QRICH1: variants seen among roughly 807,000 people sequenced by gnomAD.
QRICH1 encodes glutamine rich 1, also known as transcriptional regulator QRICH1.
In QRICH1, 16 loss-of-function variants were observed where a neutral mutation model predicts 87.1. The observed-to-expected ratio is 0.18, with a 90% CI of 0.12 to 0.28. The LOEUF (loss-of-function observed/expected upper bound fraction) is 0.28, where lower values mean the gene tolerates loss of function less well. QRICH1 is among the 10% of genes least tolerant of loss of function. QRICH1 has a pLI of 1.00. For synonymous variants in QRICH1, 367 were observed against 368.4 expected (o/e 1.00, Z 0.05); for missense variants, 647 against 951.7 (o/e 0.68, Z 4.21).
In QRICH1 at chr3:49,076,907, C is replaced by T. The variant is rs1208386959; in HGVS notation, c.111G>A (p.Lys37=). 1 of 1,613,678 alleles carries T rather than the reference C, an allele frequency of 6.2e-7. No homozygotes were observed. Among genetic ancestry groups the T allele is most frequent in the East Asian group, 2.2e-5 (1 of 44,882 alleles). ...GGAACTCCTGAAGGGCTTCTGGCCC[C>T]TTAGAGGCCAGTGAGTCCAGAAATT... is the stretch of plus-strand genomic sequence containing the variant. The part of the protein sequence containing the change: ...MKEFLDSLAS[K]GPEALQEFQQ... The change falls in exon 2 of 10, where the codon AAG becomes AAA. Residue 37 remains lysine, a synonymous_variant. Transcript: ENST00000395443.
chr3:49,053,155 G>A (rs1170799193), intron 3 of QRICH1, among the ~76,000 whole-genome samples: 1 of 152,096 alleles, frequency 6.6e-6, no homozygotes, highest in East Asian at 1.9e-4. Context: ...ATTCAGATGG[G>A]TAGGAGGAAA....
intron 1 of QRICH1, among the ~76,000 whole-genome samples, chr3:49,080,501 T>A (rs1381277449): frequency 6.6e-6 from 1 of 151,240 alleles, no homozygotes; most frequent in Non-Finnish European, 1.5e-5. Flanking sequence ...CAACAAAAAA[T>A]AATTTAAAAA....
intron 1 of QRICH1, among the ~76,000 whole-genome samples, chr3:49,086,008 G>A (rs1269204565): frequency 6.6e-6 from 1 of 151,846 alleles, no homozygotes; most frequent in East Asian, 1.9e-4. Flanking sequence ...ATATCTGAGT[G>A]TTCCCAATTT....
intron 3 of QRICH1, among the ~76,000 whole-genome samples, chr3:49,048,056 A>C (rs2093348752): frequency 6.6e-6 from 1 of 152,174 alleles, no homozygotes; most frequent in Admixed American, 6.5e-5. Flanking sequence ...TGTGCAAACA[A>C]ATCACTTGGG....
chr3:49,037,756 G>A (rs1431503631), intron 6 of QRICH1, among the ~76,000 whole-genome samples: 8 of 150,468 alleles, frequency 5.3e-5, no homozygotes, highest in Admixed American at 6.7e-5. Context: ...GGCAGGGGAC[G>A]GGCAGATCAC....
chr3:49,067,523 G>C (rs2093475425), intron 2 of QRICH1, among the ~76,000 whole-genome samples: 1 of 151,174 alleles, frequency 6.6e-6, no homozygotes, highest in African/African-American at 2.4e-5. Flanking sequence ...AGCCGAGATA[G>C]CACCACTGCA....
intron 1 of QRICH1, among the ~76,000 whole-genome samples, chr3:49,083,002 T>C (rs1239437058): frequency 6.7e-6 from 1 of 149,476 alleles, no homozygotes. Context: ...AGGTCGGGAG[T>C]TCGAGACCAG....
At chr3:49,040,485 AACTT>A (rs1231816280) in intron 6 of QRICH1, among the ~76,000 whole-genome samples, 4 of 152,198 alleles carry the variant, frequency 2.6e-5, no homozygotes, top group African/African-American at 7.2e-5. Flanking sequence ...TACTAGAGTT[AACTT>A]ACTTATTTAT....
Position 49,032,210 on chromosome 3 carries a change from T to C in QRICH1, c.2111A>G (p.Lys704Arg), listed in dbSNP as rs778852182. ...TTTGAAGAGGTAGAAATCATAGAGC[T>C]TGATGGGACATCTCAATGGATTCTC... is the stretch of plus-strand genomic sequence containing the variant. The part of the protein sequence containing the change: ...NPENPLRCPI[K>R]LYDFYLFKCP... The change falls in exon 9 of 10, where the codon AAG becomes AGG. Residue 704 changes from lysine to arginine, a missense_variant. This residue lies in a region of QRICH1 where 2 missense variants were observed against 20.8 expected (regional missense o/e 0.10). Transcript: ENST00000395443. 1 of 1,613,840 alleles carries C rather than the reference T, an allele frequency of 6.2e-7. No homozygotes were observed. The highest frequency in any genetic ancestry group is 2.2e-5 in the East Asian group (1 of 44,888).
At chr3:49,077,221 A>T (rs1404256757) in intron 1 of QRICH1, among the ~76,000 whole-genome samples, 183 bp from the exon 2 acceptor site, 1 of 152,170 alleles carries the variant, frequency 6.6e-6, no homozygotes. Flanking sequence ...TATTTCTATT[A>T]ACATTTCTTA....
intron 3 of QRICH1, among the ~76,000 whole-genome samples, chr3:49,053,409 C>T (rs750884180): frequency 7.2e-6 from 1 of 139,486 alleles, no homozygotes; most frequent in Non-Finnish European, 1.5e-5. Flanking sequence ...GGTGTGAACT[C>T]GGGAGGCGGA....
chr3:49,036,689 G>C (rs201152303), intron 6 of QRICH1, among the ~76,000 whole-genome samples: 1 of 82,442 alleles, frequency 1.2e-5, no homozygotes, highest in Non-Finnish European at 2.4e-5. Context: ...AAGAAAAAAA[G>C]AAAAAACAAA....
Position 49,057,521 on chromosome 3 carries a change from C to T in QRICH1, c.679G>A (p.Gly227Ser), listed in dbSNP as rs766618040. ...GALSPPPSQQ[G>S]SPREGERRVG... ...CGCCGCTCCCCTTCCCGGGGTGAGC[C>T]CTGCTGGGATGGTGGTGGGGAAAGG... The change falls in exon 3 of 10, where the codon GGC becomes AGC. Residue 227 changes from glycine (G) to serine (S), a missense_variant. Physicochemically the swap from Gly to Ser is moderately conservative, Grantham distance 56 (BLOSUM62 0). Coordinates refer to ENST00000395443, the MANE Select transcript of QRICH1 (RefSeq NM_198880.3). This position sits in a 1 kb window ranked among gnomAD's most constrained non-coding sequence, Gnocchi z 5.4. The T allele has an allele frequency of 3.7e-6, 6 of 1,613,260 alleles. No homozygotes were observed. In the East Asian group the frequency reaches 1.3e-4, roughly 36 times the overall value.
At chr3:49,077,124 T>C (rs2106984237) in intron 1 of QRICH1, 86 bp from the exon 2 acceptor site, 2 of 872,662 alleles carry the variant, frequency 2.3e-6, no homozygotes, top group East Asian at 2.9e-5. Flanking sequence ...GAGTGGAATA[T>C]ATTCAGGGCA....
At chr3:49,049,328 TCA>T (rs2093356872) in intron 3 of QRICH1, among the ~76,000 whole-genome samples, 1 of 151,622 alleles carries the variant, frequency 6.6e-6, no homozygotes, top group Non-Finnish European at 1.5e-5. Context: ...GCCTGTAATC[TCA>T]GCTACTTGGG....
At chr3:49,062,821 C>T (rs138379886) in intron 2 of QRICH1, among the ~76,000 whole-genome samples, 3 of 151,894 alleles carry the variant, frequency 2.0e-5, no homozygotes, top group Non-Finnish European at 2.9e-5. Context: ...TCCTGGCTAA[C>T]ATGGTGAAAC....
intron 6 of QRICH1, among the ~76,000 whole-genome samples, chr3:49,041,939 A>AT (rs994369799): frequency 2.6e-5 from 4 of 151,624 alleles, no homozygotes; most frequent in Admixed American, 6.6e-5. Context: ...CTCCCAGCCA[A>AT]TTTTTTGTAT....
chr3:49,046,984 C>T, intron 4 of QRICH1, 85 bp downstream of exon 4: 14 of 1,466,184 alleles, frequency 9.5e-6, no homozygotes, highest in Non-Finnish European at 1.3e-5. Flanking sequence ...AGACAGGAGA[C>T]ACCACTTTTC....
chr3:49,062,350 C>T (rs930273655), intron 2 of QRICH1, among the ~76,000 whole-genome samples: 1 of 142,920 alleles, frequency 7.0e-6, no homozygotes. Context: ...AAAAAAAAAA[C>T]AAGAAAAAAT....
Sources: allele counts gnomAD v4.1 joint callset (sites outside exome capture counted in the v4.1 genomes callset), GRCh38; gene constraint gnomAD v4.1.1; regional missense constraint gnomAD v4.1.1; non-coding constraint Gnocchi (gnomAD v3.1); transcripts MANE v1.5; gene names NCBI Gene and HGNC (gene_info 2026-07-23, HGNC 2026-07-21).